TMEM132B: variants seen among roughly 807,000 people sequenced by gnomAD.
TMEM132B encodes transmembrane protein 132B.
Under a neutral mutation model 90.8 loss-of-function variants are expected in TMEM132B, and 18 were observed. That is an observed-to-expected ratio of 0.20 (90% CI 0.14 to 0.29). The LOEUF is 0.29. TMEM132B is among the 10% of genes least tolerant of loss of function. The pLI is 1.00. For synonymous variants in TMEM132B, 504 were observed against 523.3 expected, an observed-to-expected ratio of 0.96 and a Z score of 0.50; for missense variants, 1,096 against 1,326.8, an observed-to-expected ratio of 0.83 and a Z score of 2.70.
rs564043133 is a variant in TMEM132B at position 125,652,623 on chromosome 12, C to G, written c.2097C>G (p.Ser699=). The G allele has an allele frequency of 1.2e-5, 19 of 1,611,902 alleles. No individual in the cohort carries two copies. Among genetic ancestry groups the G allele is most frequent in the East Asian group, 1.1e-4 (5 of 44,804 alleles). The change falls in exon 8 of 9, where the codon TCC becomes TCG. Residue 699 remains serine, a synonymous_variant. Transcript: ENST00000682704. Reference sequence around the variant, plus strand: ...CTGCTGCCCTGGATGTTCTTCAGTCCCCACAGCAGGTGAGCGTTCCAGGGG... The same window carrying G: ...CTGCTGCCCTGGATGTTCTTCAGTCGCCACAGCAGGTGAGCGTTCCAGGGG... ...STAAALDVLQ[S]PQQEAIVSSW...
chr12:125,417,532 G>T (rs2136367262), intron 3 of TMEM132B, among the ~76,000 whole-genome samples: 1 of 152,116 alleles, frequency 6.6e-6, no homozygotes, highest in South Asian at 2.1e-4. Context: ...TTCGCCTGGG[G>T]GCCCTGTGTG....
At chr12:125,302,383 C>A (rs1332076271) in intron 1 of TMEM132B, among the ~76,000 whole-genome samples, 1 of 151,524 alleles carries the variant, frequency 6.6e-6, no homozygotes, top group South Asian at 2.1e-4. Context: ...AAAAAGTGAG[C>A]CTGGCTGAGA....
intron 1 of TMEM132B, among the ~76,000 whole-genome samples, chr12:125,255,134 G>A (rs974851099): frequency 2.0e-5 from 3 of 152,160 alleles, no homozygotes; most frequent in East Asian, 1.9e-4. Flanking sequence ...CGAAATCCAC[G>A]TGATGTGCCC....
Position 125,350,137 on chromosome 12 carries a change from G to C in TMEM132B, c.753G>C (p.Leu251=). ...GKWENNIHSG[L]ESPQQAFPAR... The stretch of plus-strand genomic sequence containing the variant: ...GGGAGAACAATATCCACTCGGGCCT[G>C]GAGAGCCCCCAGCAAGCGTTTCCAG... The change falls in exon 2 of 9, where the codon CTG becomes CTC. Residue 251 remains leucine (L), a synonymous_variant. Coordinates refer to ENST00000682704, the MANE Select transcript of TMEM132B (RefSeq NM_001366854.1). 1 of 1,614,220 alleles carries C rather than the reference G, an allele frequency of 6.2e-7. No homozygotes were observed. Among genetic ancestry groups the C allele is most frequent in the Non-Finnish European group, 8.5e-7 (1 of 1,180,036 alleles).
chr12:125,613,458 G>C (rs1885912338), intron 5 of TMEM132B, among the ~76,000 whole-genome samples: 1 of 151,088 alleles, frequency 6.6e-6, no homozygotes, highest in South Asian at 2.1e-4. Context: ...TGTTATTATT[G>C]CTATGTTTGA....
At chr12:125,340,246 C>T (rs144059152) in intron 1 of TMEM132B, among the ~76,000 whole-genome samples, 115 of 152,152 alleles carry the variant, frequency 7.6e-4, no homozygotes, top group African/African-American at 2.4e-3. Flanking sequence ...AAAATGTGTG[C>T]GCACCCTGAC....
intron 4 of TMEM132B, among the ~76,000 whole-genome samples, chr12:125,543,188 C>A (rs1884000013): frequency 6.6e-6 from 1 of 152,228 alleles, no homozygotes; most frequent in Non-Finnish European, 1.5e-5. Context: ...TGTGGTGACC[C>A]CTATCATACT....
At chr12:125,508,009 T>C (rs1465359822) in intron 3 of TMEM132B, among the ~76,000 whole-genome samples, 1 of 152,160 alleles carries the variant, frequency 6.6e-6, no homozygotes, top group Non-Finnish European at 1.5e-5. Context: ...AAATTACATA[T>C]TTTTAAGGTA....
chr12:125,411,330 G>T lies in TMEM132B; in HGVS notation c.960-4201G>T, dbSNP rs1286764108. Among the ~76,000 whole-genome samples, 6 of 147,632 alleles carry T rather than the reference G, an allele frequency of 4.1e-5. No homozygotes were observed. In the Admixed American group the frequency reaches 4.1e-4, roughly 10 times the overall value. On this transcript the variant is annotated intron_variant, in intron 2 of 8. Transcript: ENST00000682704. ...AACAATGTGAATACATGGGCATAGG[G>T]AGGGGAACATCACACACTGGGGCCT...
intron 1 of TMEM132B, among the ~76,000 whole-genome samples, chr12:125,319,103 T>C (rs1031055398): frequency 3.9e-5 from 6 of 152,166 alleles, no homozygotes; most frequent in Admixed American, 6.5e-5. Flanking sequence ...CTGGTGAACC[T>C]TGGATAAGAG....
At chr12:125,638,307 A>G (rs1374977155) in intron 5 of TMEM132B, among the ~76,000 whole-genome samples, 1 of 152,222 alleles carries the variant, frequency 6.6e-6, no homozygotes, top group African/African-American at 2.4e-5. Flanking sequence ...TCTACATAAA[A>G]TTTTGAAAAC....
intron 4 of TMEM132B, among the ~76,000 whole-genome samples, chr12:125,535,523 C>T (rs1361947710): frequency 6.6e-6 from 1 of 152,122 alleles, no homozygotes; most frequent in African/African-American, 2.4e-5. Context: ...GCTTTTTTGC[C>T]AGGAACACAA....
At chr12:125,288,464 A>AG (rs1210960978) in intron 1 of TMEM132B, among the ~76,000 whole-genome samples, 2 of 138,436 alleles carry the variant, frequency 1.4e-5, no homozygotes, top group East Asian at 4.0e-4. Flanking sequence ...CTCCATCTCA[A>AG]AAAAAAAAAA....
At chr12:125,300,954 A>G (rs531312864) in intron 1 of TMEM132B, 1 of 152,124 alleles carries the variant, frequency 6.6e-6, no homozygotes, top group South Asian at 2.1e-4. Flanking sequence ...CATGGCATAT[A>G]ACTTACAAAT....
At chr12:125,462,578 G>A (rs1447399982) in intron 3 of TMEM132B, among the ~76,000 whole-genome samples, 1 of 152,258 alleles carries the variant, frequency 6.6e-6, no homozygotes, top group Non-Finnish European at 1.5e-5. Context: ...AATAGGTGAC[G>A]TCAAATTGAG....
intron 3 of TMEM132B, among the ~76,000 whole-genome samples, chr12:125,452,010 G>GTGGGCTC (rs1881166616): frequency 6.6e-6 from 1 of 152,196 alleles, no homozygotes; most frequent in South Asian, 2.1e-4. Flanking sequence ...CTTCCACTTT[G>GTGGGCTC]TGGGCTCTGG....
chr12:125,628,869 A>T (rs189185864), intron 5 of TMEM132B, among the ~76,000 whole-genome samples: 1 of 152,162 alleles, frequency 6.6e-6, no homozygotes, highest in East Asian at 1.9e-4. Context: ...CTACATATGG[A>T]TATCCAGGTT....
At chr12:125,565,738 G>C (rs1341830075) in intron 4 of TMEM132B, among the ~76,000 whole-genome samples, 1 of 152,158 alleles carries the variant, frequency 6.6e-6, no homozygotes. Flanking sequence ...TTTCTCTGCT[G>C]CACTATTATG....
intron 4 of TMEM132B, among the ~76,000 whole-genome samples, chr12:125,555,258 G>A (rs566999009): frequency 5.9e-5 from 9 of 152,228 alleles, no homozygotes; most frequent in African/African-American, 2.2e-4. Context: ...AATGAGGGCT[G>A]CCTGTGGATG....
Sources: allele counts gnomAD v4.1 joint callset (sites outside exome capture counted in the v4.1 genomes callset), GRCh38; gene constraint gnomAD v4.1.1; transcripts MANE v1.5; gene names NCBI Gene and HGNC (gene_info 2026-07-23, HGNC 2026-07-21).